Variants in MACF1 observed in about 807,000 individuals in gnomAD.
MACF1 encodes the protein microtubule-actin cross-linking factor 1.
In MACF1, 193 loss-of-function variants were observed where a neutral mutation model predicts 854.8. The observed-to-expected ratio is 0.23, with a 90% CI of 0.20 to 0.25. The LOEUF (loss-of-function observed/expected upper bound fraction) is 0.25, where lower values mean the gene tolerates loss of function less well. Ranked by LOEUF, MACF1 falls within the 10% of genes least tolerant of loss-of-function variation. The pLI is 1.00. For synonymous variants in MACF1, 3,185 were observed against 3,226.7 expected, an observed-to-expected ratio of 0.99 and a Z score of 0.44; for missense variants, 7,722 against 8,929.1, an observed-to-expected ratio of 0.86 and a Z score of 5.45.
chr1:39,331,540 T>C lies in MACF1; in HGVS notation c.4952T>C (p.Ile1651Thr), dbSNP rs757694580. The C allele has an allele frequency of 4.3e-6, 7 of 1,614,090 alleles. No individual in the cohort carries two copies. The highest frequency in any genetic ancestry group is 2.2e-5 in the South Asian group (2 of 91,084). ...ATCAGTGAGACAGTTGGACTGAAAATCTTAGAAGCTCACCTGGCAACTGGA... is the reference window on the plus strand; with the variant it reads ...ATCAGTGAGACAGTTGGACTGAAAACCTTAGAAGCTCACCTGGCAACTGGA... ...RIISETVGLKILEAHLATGGF... is the reference protein window; with the variant it reads ...RIISETVGLKTLEAHLATGGF... The change falls in exon 37 of 101, where the codon ATC becomes ACC. Residue 1651 changes from isoleucine (I) to threonine (T), a missense_variant. Around this residue, in one of 15 missense-constraint regions of MACF1, gnomAD observed 1,531 missense variants for 1,601.6 expected, o/e 0.96. Coordinates refer to ENST00000564288, the MANE Select transcript of MACF1 (RefSeq NM_001394062.1).
chr1:39,424,060 C>T lies in MACF1; in HGVS notation c.16182C>T (p.Ala5394=). The change falls in exon 61 of 101, where the codon GCC becomes GCT. Residue 5394 remains alanine (A), a synonymous_variant. Coordinates refer to ENST00000564288, the MANE Select transcript of MACF1 (RefSeq NM_001394062.1). ...AGCGGCTCCTAGATGATCGAAAGGC[C>T]ACAGTAGACATGCTTCAAGCAGAAG... is the stretch of plus-strand genomic sequence containing the variant. ...LLQRLLDDRK[A]TVDMLQAEGG... 6.2e-7 allele frequency: 1 copy of T among 1,611,212 alleles called. No individual in the cohort carries two copies. The highest frequency in any genetic ancestry group is 8.5e-7 in the Non-Finnish European group (1 of 1,179,488).
intron 2 of MACF1, among the ~76,000 whole-genome samples, chr1:39,244,954 C>A (rs1310404318): frequency 6.6e-6 from 1 of 152,136 alleles, no homozygotes; most frequent in African/African-American, 2.4e-5. Context: ...CTCAGGTGAT[C>A]TGCCCACCTC....
At chr1:39,151,414 A>C (rs1643574926) in intron 2 of MACF1, among the ~76,000 whole-genome samples, 1 of 152,128 alleles carries the variant, frequency 6.6e-6, no homozygotes, top group Admixed American at 6.6e-5. Context: ...AAAAATAGTC[A>C]CTCGGAAGCC....
chr1:39,238,657 C>T (rs945780762), intron 2 of MACF1, among the ~76,000 whole-genome samples: 2 of 152,156 alleles, frequency 1.3e-5, no homozygotes, highest in Non-Finnish European at 2.9e-5. Context: ...TGTGTGATGA[C>T]AGGAAGCTCA....
chr1:39,137,255 A>G (rs1643200538), intron 2 of MACF1, among the ~76,000 whole-genome samples: 3 of 152,192 alleles, frequency 2.0e-5, no homozygotes, highest in Admixed American at 2.0e-4. Flanking sequence ...TTTTTGTTAG[A>G]AACAGGGTTT....
At chr1:39,400,683 T>A (rs1642443659) in intron 58 of MACF1, among the ~76,000 whole-genome samples, 1 of 152,052 alleles carries the variant, frequency 6.6e-6, no homozygotes, top group Non-Finnish European at 1.5e-5. Flanking sequence ...AATTTTTGTA[T>A]CTTTTGTAGA....
intron 2 of MACF1, among the ~76,000 whole-genome samples, chr1:39,093,169 AG>A (rs1641850608): frequency 6.6e-6 from 1 of 152,176 alleles, no homozygotes. Context: ...TCTCCCCGCC[AG>A]CAAGTTAAAC....
chr1:39,098,694 A>C (rs967917604), intron 2 of MACF1, among the ~76,000 whole-genome samples: 1 of 152,194 alleles, frequency 6.6e-6, no homozygotes, highest in African/African-American at 2.4e-5. Context: ...GCCAGTTGCT[A>C]TGGTAACCCA....
At chr1:39,241,910 TGAGG>T (rs1361636059) in intron 2 of MACF1, among the ~76,000 whole-genome samples, 1 of 152,184 alleles carries the variant, frequency 6.6e-6, no homozygotes, top group East Asian at 1.9e-4. Flanking sequence ...ATCTGTAAAC[TGAGG>T]GTATTAGAAT....
chr1:39,268,539 A>C, intron 6 of MACF1: 1 of 1,164,898 alleles, frequency 8.6e-7, no homozygotes, highest in Non-Finnish European at 1.1e-6. Flanking sequence ...TGGAAGAGAC[A>C]GAGAGAGGCG....
chr1:39,384,104 T>C (rs1650486570), intron 56 of MACF1, among the ~76,000 whole-genome samples: 1 of 152,094 alleles, frequency 6.6e-6, no homozygotes, highest in Admixed American at 6.6e-5. Flanking sequence ...GACCCTCCCC[T>C]GAAGTGCCTT....
rs1001160891 is a variant in MACF1 at position 39,137,868 on chromosome 1, G to A, written c.220+53430G>A. ...GCAGGTGGATCACCTGAGGTCGCGA[G>A]TTTGAGACCAGCCTGGCCAACATGG... On this transcript the variant is annotated intron_variant, in intron 2 of 93. Coordinates refer to the MACF1 transcript ENST00000361689. 2.7e-4 allele frequency among the ~76,000 whole-genome samples: 41 copies of A among 151,608 alleles called. 1 individual carries two copies. Among genetic ancestry groups the A allele is most frequent in the Admixed American group, 1.3e-4 (2 of 15,230 alleles).
At chr1:39,258,182 T>A (rs1459238468) in intron 6 of MACF1, among the ~76,000 whole-genome samples, 154 bp downstream of exon 6, 1 of 152,236 alleles carries the variant, frequency 6.6e-6, no homozygotes, top group Non-Finnish European at 1.5e-5. Context: ...AAGATTGATC[T>A]GCAGACAAGC....
chr1:39,349,645 A>G lies in MACF1; in HGVS notation c.10965+18A>G, dbSNP rs1405270673. 6.2e-7 allele frequency: 1 copy of G among 1,612,014 alleles called. No homozygotes were observed. Among genetic ancestry groups the G allele is most frequent in the Non-Finnish European group, 8.5e-7 (1 of 1,178,900 alleles). ...ACTTGAAGGTCAGTGTGAATCTGTCAATTTTGACACAAAGTCTCGCTCTAT... is the reference window on the plus strand; with the variant it reads ...ACTTGAAGGTCAGTGTGAATCTGTCGATTTTGACACAAAGTCTCGCTCTAT... On this transcript the variant is annotated intron_variant, in intron 42 of 100. Transcript: ENST00000564288.
chr1:39,187,860 C>CTCTCTG (rs1644194265), intron 2 of MACF1, among the ~76,000 whole-genome samples: 1 of 136,130 alleles, frequency 7.3e-6, no homozygotes, highest in Non-Finnish European at 1.6e-5. Context: ...CTCTCTCTCT[C>CTCTCTG]TCTCTGTCTC....
Position 39,239,762 on chromosome 1 carries a change from C to A in MACF1, c.171+8519C>A, listed in dbSNP as rs576213377. ...AGAAAGGAAAAGCCCAGTATTTAAT[C>A]TAGCAGATAGAGCAGTTCTTTCCAT... On this transcript the variant is annotated intron_variant, in intron 2 of 100. Coordinates refer to ENST00000564288, the MANE Select transcript of MACF1 (RefSeq NM_001394062.1). 4.2e-4 allele frequency among the ~76,000 whole-genome samples: 64 copies of A among 152,296 alleles called. 1 individual carries two copies. In the South Asian group the frequency reaches 0.013, roughly 32 times the overall value.
Position 39,447,498 on chromosome 1 carries a change from TG to T in MACF1, c.19674del (p.Trp6558CysfsTer4). On this transcript the variant is annotated frameshift_variant, in exon 81 of 101. Coordinates refer to ENST00000564288, the MANE Select transcript of MACF1 (RefSeq NM_001394062.1). LOFTEE classifies it high-confidence loss of function. ...GAATTCCCTACAAGAATTTATCAAC[TG>T]GCTCACTCTAGCAGAGCAGAGTTTA... ...FQNSLQEFIN[W>X]LTLAEQSLNI... 1 of 1,614,120 alleles carries T rather than the reference TG, an allele frequency of 6.2e-7. No individual in the cohort carries two copies. Among genetic ancestry groups the T allele is most frequent in the Non-Finnish European group, 8.5e-7 (1 of 1,179,964 alleles).
At chr1:39,313,873 C>G (rs779648062) in intron 26 of MACF1, among the ~76,000 whole-genome samples, 1 of 152,052 alleles carries the variant, frequency 6.6e-6, no homozygotes. Context: ...CCTCAGCCTC[C>G]CAAAAGTGCT....
chr1:39,381,913 A>C (rs1314634564), intron 55 of MACF1, 40 bp from the exon 56 acceptor site: 10 of 1,444,606 alleles, frequency 6.9e-6, no homozygotes, highest in Non-Finnish European at 7.8e-6. Context: ...CCAGTTGTTG[A>C]TAATGTAAAG....
Sources: gnomAD v4.1 joint callset for allele counts (sites outside exome capture counted in the v4.1 genomes callset) on GRCh38, gnomAD v4.1.1 for gene constraint, gnomAD v4.1.1 regional missense constraint, MANE v1.5 for transcripts, NCBI Gene and HGNC (gene_info 2026-07-23, HGNC 2026-07-21) for gene names.